Variants in CELF2 observed in about 807,000 individuals in gnomAD.
CELF2 encodes CUG triplet repeat RNA-binding protein 2.
CELF2 carries 8 observed loss-of-function variants against 62.6 expected under a neutral mutation model. The observed-to-expected ratio is 0.13, with a 90% CI of 0.07 to 0.23. CELF2 has a LOEUF of 0.23. CELF2 is among the 10% of genes least tolerant of loss of function. CELF2 has a pLI of 1.00. For synonymous variants in CELF2, 258 were observed against 250.0 expected (o/e 1.03, Z -0.30); for missense variants, 333 against 671.0 (o/e 0.50, Z 5.56).
chr10:11,028,524 AT>A (rs1307724129), intron 1 of CELF2, among the ~76,000 whole-genome samples: 4 of 148,788 alleles, frequency 2.7e-5, no homozygotes, highest in Admixed American at 2.0e-4. Flanking sequence ...GGTTCAAGTG[AT>A]TCTCTTGCCT....
chr10:10,831,995 C>T (rs183620626), intron 1 of CELF2, among the ~76,000 whole-genome samples: 120 of 142,382 alleles, frequency 8.4e-4, no homozygotes, highest in African/African-American at 2.9e-3. Context: ...AGGCCGGGCG[C>T]GGTGGCTCAC....
chr10:11,119,292 GGCGTCC>G (rs2057231973), intron 1 of CELF2, among the ~76,000 whole-genome samples: 1 of 152,202 alleles, frequency 6.6e-6, no homozygotes, highest in Non-Finnish European at 1.5e-5. Flanking sequence ...TCAGTAGATA[GGCGTCC>G]TGAAAGTCAG....
At chr10:10,600,661 T>C in the CELF2 span, among the ~76,000 whole-genome samples, 2 of 152,192 alleles carry the variant, frequency 1.3e-5, no homozygotes, top group African/African-American at 2.4e-5. Flanking sequence ...GTATTTAACA[T>C]GTAAAGCAGG....
intron 2 of CELF2, among the ~76,000 whole-genome samples, chr10:10,999,597 T>C (rs2054314986): frequency 6.6e-6 from 1 of 152,178 alleles, no homozygotes; most frequent in African/African-American, 2.4e-5. Context: ...CAAGACACCA[T>C]CTCTGAAAAA....
At chr10:10,906,439 A>G (rs563191134) in intron 1 of CELF2, among the ~76,000 whole-genome samples, 25 of 152,310 alleles carry the variant, frequency 1.6e-4, no homozygotes, top group African/African-American at 5.8e-4. Flanking sequence ...TGCTGCCCTC[A>G]TGGAATCTAC....
the CELF2 span, among the ~76,000 whole-genome samples, chr10:10,617,878 C>A: frequency 6.6e-6 from 1 of 152,020 alleles, no homozygotes; most frequent in South Asian, 2.1e-4. Flanking sequence ...TTCAATAACA[C>A]CCTATTTATT....
At chr10:10,496,063 A>G in the CELF2 span, among the ~76,000 whole-genome samples, 2 of 152,206 alleles carry the variant, frequency 1.3e-5, no homozygotes, top group Middle Eastern at 3.4e-3. Flanking sequence ...CATTCTGTCC[A>G]TGGAAACTCT....
At chr10:10,658,741 GTCTCT>G in the CELF2 span, among the ~76,000 whole-genome samples, 3 of 151,918 alleles carry the variant, frequency 2.0e-5, no homozygotes, top group Non-Finnish European at 4.4e-5. Context: ...TGTAGCTCTT[GTCTCT>G]TCCTTTTTGG....
At chr10:10,651,288 TG>T in the CELF2 span, among the ~76,000 whole-genome samples, 2 of 146,234 alleles carry the variant, frequency 1.4e-5, no homozygotes, top group Non-Finnish European at 3.0e-5. Context: ...GCAGTGAGGC[TG>T]GGGGAGGGGT....
chr10:10,550,799 A>G, the CELF2 span, among the ~76,000 whole-genome samples: 1 of 152,108 alleles, frequency 6.6e-6, no homozygotes, highest in African/African-American at 2.4e-5. Flanking sequence ...CCCGGGTTCA[A>G]GTGATTCTCA....
the CELF2 span, among the ~76,000 whole-genome samples, chr10:10,733,775 A>G: frequency 6.6e-6 from 1 of 152,132 alleles, no homozygotes; most frequent in Non-Finnish European, 1.5e-5. Flanking sequence ...CCACCCCCAC[A>G]ATTCAATCGT....
chr10:11,235,274 G>A (rs2070764838), intron 3 of CELF2, among the ~76,000 whole-genome samples: 1 of 152,212 alleles, frequency 6.6e-6, no homozygotes, highest in South Asian at 2.1e-4. Context: ...CACAGGTCAA[G>A]TGCTGTCAAT....
intron 1 of CELF2, among the ~76,000 whole-genome samples, chr10:11,128,959 T>C (rs1357133653): frequency 6.6e-6 from 1 of 152,194 alleles, no homozygotes; most frequent in Non-Finnish European, 1.5e-5. Flanking sequence ...TTGTGCCAGT[T>C]TTCAAAGGGA....
the CELF2 span, among the ~76,000 whole-genome samples, chr10:10,513,397 C>T: frequency 1.3e-5 from 2 of 152,080 alleles, no homozygotes; most frequent in Admixed American, 6.6e-5. Context: ...AGAAGATTTC[C>T]TTCTTTGATT....
At position 11,214,156 on chromosome 10, in the gene CELF2, C is replaced by T. The variant is rs1375228354; in HGVS notation, c.272-3269C>T. Among the ~76,000 whole-genome samples the T allele has an allele frequency of 2.6e-5, 4 of 152,166 alleles. No homozygotes were observed. The highest frequency in any genetic ancestry group is 3.2e-3 in the Middle Eastern group (1 of 316). ...AAAAGTAGTCAGGCATGGTAGCACA[C>T]ACCTGTACTCCCAGGTACTCAGGGA... On this transcript the variant is annotated intron_variant, in intron 2 of 12. Transcript: ENST00000633077. The surrounding 1 kb of genome is among the most constrained non-coding windows in gnomAD (Gnocchi z 4.2).
chr10:10,815,364 T>C (rs553643342), intron 1 of CELF2, among the ~76,000 whole-genome samples: 7 of 150,852 alleles, frequency 4.6e-5, no homozygotes, highest in African/African-American at 1.5e-4. Flanking sequence ...GGTCATTATT[T>C]ATATCATTGA....
chr10:10,893,923 G>A lies in CELF2; in HGVS notation c.54-26041G>A, dbSNP rs75023286. Among the ~76,000 whole-genome samples, 461 of 152,284 alleles carry A rather than the reference G, an allele frequency of 3.0e-3. 9 individuals are homozygous for A. The East Asian group carries it at 0.067, about 22-fold the overall frequency. On this transcript the variant is annotated intron_variant, in intron 1 of 13. Coordinates refer to the CELF2 transcript ENST00000636488. Reference sequence around the variant, plus strand: ...AACACTGGGGGTTACAATTGAACACGAGATTTGGGTGGGGACACAGATCCA... The same window carrying A: ...AACACTGGGGGTTACAATTGAACACAAGATTTGGGTGGGGACACAGATCCA...
At chr10:11,173,564 A>G (rs2069758023) in intron 2 of CELF2, among the ~76,000 whole-genome samples, 1 of 152,210 alleles carries the variant, frequency 6.6e-6, no homozygotes. Context: ...GAAACGTGAA[A>G]CACCACTAGC....
the CELF2 span, among the ~76,000 whole-genome samples, chr10:10,524,057 C>A: frequency 6.6e-6 from 1 of 152,030 alleles, no homozygotes; most frequent in Non-Finnish European, 1.5e-5. Context: ...AGAAGTTGTG[C>A]CCAGAGATAC....
Sources: gnomAD v4.1 joint callset for allele counts (sites outside exome capture counted in the v4.1 genomes callset) on GRCh38, gnomAD v4.1.1 for gene constraint, Gnocchi (gnomAD v3.1) non-coding constraint, MANE v1.5 for transcripts, NCBI Gene and HGNC (gene_info 2026-07-23, HGNC 2026-07-21) for gene names.